Variants in PLXDC2 observed in about 807,000 individuals in gnomAD.
PLXDC2 encodes the protein plexin domain containing 2, also known as plexin domain-containing protein 2.
A neutral mutation model predicts 68.9 loss-of-function variants in PLXDC2; 40 were observed. That is an observed-to-expected ratio of 0.58 (90% CI 0.45 to 0.76). PLXDC2 has a LOEUF of 0.76. Ranked by LOEUF, PLXDC2 falls within the 30% of genes least tolerant of loss-of-function variation. The pLI is 0.00. For synonymous variants in PLXDC2, 243 were observed against 234.2 expected, an observed-to-expected ratio of 1.04 and a Z score of -0.34; for missense variants, 644 against 661.9, an observed-to-expected ratio of 0.97 and a Z score of 0.30.
chr10:19,910,526 C>G (rs535298736), intron 1 of PLXDC2, among the ~76,000 whole-genome samples: 25 of 149,582 alleles, frequency 1.7e-4, no homozygotes, highest in Non-Finnish European at 3.4e-4. Flanking sequence ...CACTAGAGCT[C>G]TGATAACTAC....
At chr10:20,136,565 A>G (rs185557956) in intron 4 of PLXDC2, among the ~76,000 whole-genome samples, 18 of 152,336 alleles carry the variant, frequency 1.2e-4, no homozygotes, top group African/African-American at 3.6e-4. Flanking sequence ...TGGAATATAT[A>G]TAAGGTTAGT....
intron 2 of PLXDC2, among the ~76,000 whole-genome samples, chr10:20,033,194 AAAAAAATAAAAT>A (rs1835528921): frequency 6.9e-6 from 1 of 145,740 alleles, no homozygotes; most frequent in African/African-American, 2.8e-5. Context: ...AAAAATATAT[AAAAAAATAAAAT>A]AAAAAAATAA....
At chr10:20,064,653 AC>A (rs1417322458) in intron 3 of PLXDC2, among the ~76,000 whole-genome samples, 5 of 152,288 alleles carry the variant, frequency 3.3e-5, no homozygotes, top group African/African-American at 1.2e-4. Flanking sequence ...CTCACAGCTA[AC>A]CAAAATAGCT....
At chr10:20,006,215 G>A (rs1434872925) in intron 2 of PLXDC2, among the ~76,000 whole-genome samples, 3 of 151,986 alleles carry the variant, frequency 2.0e-5, no homozygotes, top group African/African-American at 4.8e-5. Flanking sequence ...TTGTGAACAC[G>A]GTTGCATCTC....
At chr10:20,212,650 G>A (rs1248676704) in intron 10 of PLXDC2, among the ~76,000 whole-genome samples, 1 of 152,108 alleles carries the variant, frequency 6.6e-6, no homozygotes, top group Admixed American at 6.6e-5. Context: ...GTTACTTAGA[G>A]ACTTTTTAAA....
intron 1 of PLXDC2, among the ~76,000 whole-genome samples, chr10:19,981,745 C>T (rs1233867248): frequency 1.3e-5 from 2 of 152,144 alleles, no homozygotes; most frequent in African/African-American, 4.8e-5. Context: ...TAAATCTTAT[C>T]GATCAATATA....
chr10:20,215,808 G>A (rs1257216233), intron 10 of PLXDC2, among the ~76,000 whole-genome samples: 1 of 152,156 alleles, frequency 6.6e-6, no homozygotes, highest in African/African-American at 2.4e-5. Flanking sequence ...TGCTGATCAT[G>A]CCTATTTATC....
intron 1 of PLXDC2, among the ~76,000 whole-genome samples, chr10:19,993,483 A>G (rs1834785756): frequency 2.0e-5 from 3 of 152,062 alleles, no homozygotes; most frequent in Admixed American, 1.3e-4. Context: ...GCAGTGGTGC[A>G]ATCTCGGTTC....
chr10:20,147,955 C>A, intron 6 of PLXDC2, 53 bp downstream of exon 6: 1 of 1,243,418 alleles, frequency 8.0e-7, no homozygotes, highest in Non-Finnish European at 1.2e-6. Context: ...TGACTGCTGC[C>A]TTTCCTCCAA....
chr10:20,106,134 C>G (rs1424353022), intron 4 of PLXDC2, among the ~76,000 whole-genome samples: 1 of 152,182 alleles, frequency 6.6e-6, no homozygotes. Flanking sequence ...ACATTCATTT[C>G]CATGGCAGGA....
intron 9 of PLXDC2, among the ~76,000 whole-genome samples, chr10:20,195,858 C>G (rs1455283855): frequency 6.6e-6 from 1 of 152,056 alleles, no homozygotes; most frequent in Non-Finnish European, 1.5e-5. Context: ...AACTGAACAG[C>G]ACTGAACAAA....
In PLXDC2 at chr10:19,979,850, A is replaced by G. The variant is rs1834522109; in HGVS notation, c.113-21925A>G. On this transcript the variant is annotated intron_variant, in intron 1 of 13. Coordinates refer to ENST00000377252, the MANE Select transcript of PLXDC2 (RefSeq NM_032812.9). ...TCCTAAAATAAACTTGCCCCTCGGC[A>G]TTTCCACAGTGGAGAAATGACTAAG... Among the ~76,000 whole-genome samples, 3 of 152,224 alleles carry G rather than the reference A, an allele frequency of 2.0e-5. No homozygotes were observed. In the South Asian group the frequency reaches 6.2e-4, roughly 31 times the overall value.
intron 2 of PLXDC2, among the ~76,000 whole-genome samples, chr10:20,038,078 A>G (rs902273086): frequency 2.6e-5 from 4 of 152,022 alleles, no homozygotes; most frequent in Non-Finnish European, 5.9e-5. Flanking sequence ...TACTAAAAAT[A>G]CAAAAAAATT....
intron 1 of PLXDC2, among the ~76,000 whole-genome samples, chr10:19,906,609 T>C (rs1300779778): frequency 6.6e-6 from 1 of 151,984 alleles, no homozygotes; most frequent in Non-Finnish European, 1.5e-5. Context: ...CATGGATTGG[T>C]TGGTTTGCAT....
At chr10:20,031,322 A>G (rs1286806116) in intron 2 of PLXDC2, among the ~76,000 whole-genome samples, 1 of 152,046 alleles carries the variant, frequency 6.6e-6, no homozygotes, top group Non-Finnish European at 1.5e-5. Context: ...GTGAGACACA[A>G]TTGTGCCACT....
At chr10:19,965,659 T>G (rs1346986737) in intron 1 of PLXDC2, among the ~76,000 whole-genome samples, 1 of 148,616 alleles carries the variant, frequency 6.7e-6, no homozygotes, top group Admixed American at 6.8e-5. Context: ...TTGTTGCATG[T>G]ACTTGAACCA....
intron 2 of PLXDC2, among the ~76,000 whole-genome samples, chr10:20,019,880 T>C (rs1323721041): frequency 6.6e-6 from 1 of 152,194 alleles, no homozygotes; most frequent in African/African-American, 2.4e-5. Flanking sequence ...AAAAATGTTC[T>C]ATTACACAAC....
rs1349442799 is a variant in PLXDC2, at chr10:20,139,603, C to T, written c.542-3692C>T. On this transcript the variant is annotated intron_variant, in intron 4 of 13. Transcript: ENST00000377252. ...ACAATAGCAAAGACTTGGAACCAAC[C>T]CACATGCCCATCAATGATAGACTGG... 9.2e-5 allele frequency among the ~76,000 whole-genome samples: 14 copies of T among 152,126 alleles called. 1 individual carries two copies. Among genetic ancestry groups the T allele is most frequent in the Admixed American group, 9.2e-4 (14 of 15,272 alleles).
In PLXDC2 at chr10:20,046,164, C is replaced by A. The variant is rs190896758; in HGVS notation, c.325-705C>A. On this transcript the variant is annotated intron_variant, in intron 2 of 13. Coordinates refer to ENST00000377252, the MANE Select transcript of PLXDC2 (RefSeq NM_032812.9). ...TTTGTTATTACTAATTGTAATTATA[C>A]TTTAGGTTTTTAGTAAAAAGTTCAA... 5.3e-5 allele frequency among the ~76,000 whole-genome samples: 8 copies of A among 152,106 alleles called. No individual in the cohort carries two copies. In the East Asian group the frequency reaches 1.5e-3, roughly 29 times the overall value.
Sources: gnomAD v4.1 joint callset for allele counts (sites outside exome capture counted in the v4.1 genomes callset) on GRCh38, gnomAD v4.1.1 for gene constraint, MANE v1.5 for transcripts, NCBI Gene and HGNC (gene_info 2026-07-23, HGNC 2026-07-21) for gene names.